The following ZBTB16 variants were observed in gnomAD, a reference collection of about 807,000 sequenced individuals.
ZBTB16 encodes the protein zinc finger and BTB domain containing 16.
ZBTB16 carries 8 observed loss-of-function variants against 56.8 expected under a neutral mutation model. The observed-to-expected ratio is 0.14, with a 90% CI of 0.08 to 0.25. The LOEUF (loss-of-function observed/expected upper bound fraction) is 0.25. Ranked by LOEUF, ZBTB16 falls within the 10% of genes least tolerant of loss-of-function variation. The probability of loss-of-function intolerance (pLI) is 1.00; values close to 1 mark genes in which losing one functional copy is unlikely to be tolerated. For missense variants in ZBTB16, 625 were observed against 903.0 expected (o/e 0.69, Z 3.95); for synonymous variants, 363 against 368.5 (o/e 0.98, Z 0.17).
At chr11:114,224,077 C>G (rs1415850323) in intron 4 of ZBTB16, among the ~76,000 whole-genome samples, 2 of 152,126 alleles carry the variant, frequency 1.3e-5, no homozygotes, top group Non-Finnish European at 2.9e-5. Context: ...ATGAAAGGAT[C>G]TTAATCAGGG....
chr11:114,125,708 T>TA (rs1941489777), intron 2 of ZBTB16, among the ~76,000 whole-genome samples: 1 of 152,148 alleles, frequency 6.6e-6, no homozygotes, highest in East Asian at 1.9e-4. Context: ...GTTTTCCCTC[T>TA]AGGGCAGAAG....
chr11:114,066,430 C>T (rs909746468), intron 2 of ZBTB16, among the ~76,000 whole-genome samples: 6 of 152,180 alleles, frequency 3.9e-5, no homozygotes, highest in South Asian at 4.1e-4. Flanking sequence ...AGAGGAAACC[C>T]GCTCCCCAAA....
At chr11:114,095,000 G>T (rs1371373517) in intron 2 of ZBTB16, among the ~76,000 whole-genome samples, 1 of 152,244 alleles carries the variant, frequency 6.6e-6, no homozygotes, top group Admixed American at 6.5e-5. Context: ...GAAGCTGGGG[G>T]CCTGTCTGCA....
intron 4 of ZBTB16, among the ~76,000 whole-genome samples, chr11:114,221,229 G>A (rs968461853): frequency 2.0e-5 from 3 of 152,220 alleles, no homozygotes; most frequent in Non-Finnish European, 4.4e-5. Context: ...ACTCCCTGGA[G>A]AGAGTTTTCT....
At chr11:114,208,041 G>A (rs1050842219) in intron 4 of ZBTB16, among the ~76,000 whole-genome samples, 8 of 152,176 alleles carry the variant, frequency 5.3e-5, no homozygotes, top group African/African-American at 1.9e-4. Context: ...GAACCACCAC[G>A]CCTGGCCTTG....
chr11:114,152,280 T>C (rs1453043059), intron 2 of ZBTB16, among the ~76,000 whole-genome samples: 1 of 152,256 alleles, frequency 6.6e-6, no homozygotes, highest in Non-Finnish European at 1.5e-5. Flanking sequence ...ATGAAATCTT[T>C]ATGAGTTTGC....
chr11:114,174,410 G>A (rs1452340874), intron 3 of ZBTB16, among the ~76,000 whole-genome samples: 2 of 152,002 alleles, frequency 1.3e-5, no homozygotes, highest in South Asian at 4.2e-4. Flanking sequence ...GCCAGGCATG[G>A]TGTCTCCTGC....
chr11:114,227,050 T>C (rs1476297114), intron 4 of ZBTB16, among the ~76,000 whole-genome samples: 3 of 152,146 alleles, frequency 2.0e-5, no homozygotes, highest in Non-Finnish European at 4.4e-5. Flanking sequence ...CCTATAAATT[T>C]ACTGTCCCCT....
At chr11:114,204,142 G>T (rs1943798116) in intron 4 of ZBTB16, among the ~76,000 whole-genome samples, 1 of 151,520 alleles carries the variant, frequency 6.6e-6, no homozygotes, top group African/African-American at 2.4e-5. Context: ...TATGTTCTCT[G>T]TGTCCCACTA....
intron 2 of ZBTB16, among the ~76,000 whole-genome samples, chr11:114,069,994 T>G (rs1939268096): frequency 1.3e-5 from 2 of 152,194 alleles, no homozygotes; most frequent in Non-Finnish European, 2.9e-5. Context: ...AGTTTGAATA[T>G]TCATATGTTT....
At chr11:114,181,061 G>C (rs998161868) in intron 3 of ZBTB16, 2 of 152,208 alleles carry the variant, frequency 1.3e-5, no homozygotes, top group Non-Finnish European at 2.9e-5. Context: ...GCATGTGTGC[G>C]TTCATGTATG....
chr11:114,211,872 C>T (rs956547084), intron 4 of ZBTB16, among the ~76,000 whole-genome samples: 11 of 152,146 alleles, frequency 7.2e-5, no homozygotes, highest in East Asian at 1.9e-4. Context: ...GGATTATGGC[C>T]GGCCCCTGGA....
At chr11:114,155,473 G>A (rs1423155492) in intron 2 of ZBTB16, among the ~76,000 whole-genome samples, 1 of 151,770 alleles carries the variant, frequency 6.6e-6, no homozygotes, top group African/African-American at 2.4e-5. Context: ...TGGGGGTTGG[G>A]AGTTGGGATG....
At position 114,148,525 on chromosome 11, in the gene ZBTB16, G is replaced by A. The variant is rs916347211; in HGVS notation, c.1269-7812G>A. ...TTCTTCCTTTCTTAGATGGAGTCTCGTTCTGTCACCTAGGCTGGAGTGCAG... is the reference window on the plus strand; with the variant it reads ...TTCTTCCTTTCTTAGATGGAGTCTCATTCTGTCACCTAGGCTGGAGTGCAG... On this transcript the variant is annotated intron_variant, in intron 2 of 6. Transcript: ENST00000335953. 1.6e-3 allele frequency among the ~76,000 whole-genome samples: 233 copies of A among 142,698 alleles called. 1 individual carries two copies. The highest frequency in any genetic ancestry group is 5.8e-3 in the African/African-American group (225 of 38,534). 93.6% of individuals were successfully genotyped at this position (142,698 alleles called of 152,430 possible). A position where few individuals can be genotyped will look rare whatever the true frequency, so the allele number is the denominator to read the frequency against.
At chr11:114,147,887 C>T (rs1265973491) in intron 2 of ZBTB16, among the ~76,000 whole-genome samples, 1 of 152,094 alleles carries the variant, frequency 6.6e-6, no homozygotes, top group East Asian at 1.9e-4. Flanking sequence ...ACGCTAAGAC[C>T]TTGTTGAAAG....
intron 1 of ZBTB16, among the ~76,000 whole-genome samples, chr11:114,062,181 G>A (rs1938904629): frequency 6.6e-6 from 1 of 151,832 alleles, no homozygotes; most frequent in South Asian, 2.1e-4. Flanking sequence ...TCGGCTCACG[G>A]CAACCTCCGC....
At chr11:114,217,329 G>C (rs746477684) in intron 4 of ZBTB16, among the ~76,000 whole-genome samples, 3 of 152,182 alleles carry the variant, frequency 2.0e-5, no homozygotes, top group Non-Finnish European at 2.9e-5. Context: ...GTGCAGGTGA[G>C]ATCAGAGGGA....
In ZBTB16 at chr11:114,156,343, G is replaced by T; in HGVS notation, c.1275G>T (p.Leu425=). 6.2e-7 allele frequency: 1 copy of T among 1,614,232 alleles called. No individual in the cohort carries two copies. The highest frequency in any genetic ancestry group is 1.1e-5 in the South Asian group (1 of 91,090). ...CTTTTCCTTTCCCTTACAGGAAGCT[G>T]CACAGTGGGATGAAGACGTACGGGT... is the stretch of plus-strand genomic sequence containing the variant. ...DNEAVEQHRK[L]HSGMKTYGCE... Residue 425 remains leucine (L), a synonymous_variant, in exon 3 of 7, where the codon CTG becomes CTT. Transcript: ENST00000335953.
chr11:114,118,132 C>T (rs75038617), intron 2 of ZBTB16, among the ~76,000 whole-genome samples: 4,476 of 152,264 alleles, frequency 0.029, 137 homozygotes, highest in Admixed American at 0.088. Context: ...TGATTACTTT[C>T]TAAAATCCAC....
Sources: gnomAD v4.1 joint callset for allele counts (sites outside exome capture counted in the v4.1 genomes callset) on GRCh38, gnomAD v4.1.1 for gene constraint, MANE v1.5 for transcripts, NCBI Gene and HGNC (gene_info 2026-07-23, HGNC 2026-07-21) for gene names.